The following HMCN1 variants were observed in gnomAD, a reference collection of about 807,000 sequenced individuals.
HMCN1 encodes hemicentin 1.
Under a neutral mutation model 625.9 loss-of-function variants are expected in HMCN1, and 321 were observed. The ratio of observed to expected loss-of-function variants is 0.51; its 90% confidence interval spans 0.47 to 0.56. HMCN1 has a LOEUF of 0.56. Among genes scored for constraint, HMCN1 ranks in the 20% least tolerant of loss-of-function variants. The probability of loss-of-function intolerance (pLI) is 0.00; values close to 1 mark genes in which losing one functional copy is unlikely to be tolerated. For synonymous variants in HMCN1, 2,425 were observed against 2,417.6 expected (o/e 1.00, Z -0.09); for missense variants, 6,588 against 6,887.3 (o/e 0.96, Z 1.54).
At chr1:185,884,586 T>C (rs1323208251) in intron 4 of HMCN1, among the ~76,000 whole-genome samples, 4 of 152,010 alleles carry the variant, frequency 2.6e-5, no homozygotes, top group Admixed American at 2.6e-4. Context: ...CTAAAAAAAG[T>C]TACTTTCTAT....
chr1:185,853,414 G>T (rs1310997654), intron 2 of HMCN1, among the ~76,000 whole-genome samples: 1 of 152,222 alleles, frequency 6.6e-6, no homozygotes, highest in Non-Finnish European at 1.5e-5. Flanking sequence ...GATATTGAAA[G>T]GTACTATATC....
chr1:186,088,114 T>TTTTG lies in HMCN1; in HGVS notation c.9446-11_9446-8dup, dbSNP rs368227896. 2.6e-4 allele frequency: 423 copies of TTTTG among 1,601,492 alleles called. 4 individuals are homozygous for TTTTG. The highest frequency in any genetic ancestry group is 2.2e-3 in the South Asian group (196 of 90,088). ...GAGGACAAATGATTTTCTTCTGTTTTTTTGTTTGTTTGTTTGTTTGTTTTT... is the reference window on the plus strand; with the variant it reads ...GAGGACAAATGATTTTCTTCTGTTTTTTTGTTTGTTTGTTTGTTTGTTTGTTTTT... On this transcript the variant is annotated intron_variant, in intron 61 of 106. Coordinates refer to ENST00000271588, the MANE Select transcript of HMCN1 (RefSeq NM_031935.3).
rs1667105098 is a variant in HMCN1 at position 185,923,537 on chromosome 1, AT to A, written c.1170del (p.Asn390LysfsTer16). 6.2e-7 allele frequency: 1 copy of A among 1,612,386 alleles called. No individual in the cohort carries two copies. ...CATCGAAAACCTTATGGCATATGGAATATTTCTGACTTTGTACCACCAAATG... is the reference window on the plus strand; with the variant it reads ...CATCGAAAACCTTATGGCATATGGAAATTTCTGACTTTGTACCACCAAATG... ...YPHRKPYGIW[N>X]ISDFVPPNEA... On this transcript the variant is annotated frameshift_variant, in exon 8 of 107. Transcript: ENST00000271588. LOFTEE classifies it high-confidence loss of function.
chr1:186,009,618 A>T (rs1297625603), intron 30 of HMCN1, among the ~76,000 whole-genome samples: 1 of 152,228 alleles, frequency 6.6e-6, no homozygotes, highest in Non-Finnish European at 1.5e-5. Context: ...AGAATGAAGC[A>T]GGTGGGTTGA....
Position 185,933,623 on chromosome 1 carries a change from A to C in HMCN1, c.1627A>C (p.Ile543Leu). Residue 543 changes from isoleucine to leucine, a missense_variant, in exon 11 of 107, where the codon ATC becomes CTC. Ile to Leu is a conservative substitution (Grantham distance 5). Coordinates refer to ENST00000271588, the MANE Select transcript of HMCN1 (RefSeq NM_031935.3). The stretch of plus-strand genomic sequence containing the variant: ...AGAGAGAGCAGTTTTAACATGTCTC[A>C]TCATCAGTGCGGTGGATTACAATCT... Reference protein sequence around the residue: ...PGERAVLTCLIISAVDYNLTW... With the variant: ...PGERAVLTCLLISAVDYNLTW... 6.2e-7 allele frequency: 1 copy of C among 1,614,032 alleles called. No homozygotes were observed.
intron 102 of HMCN1, among the ~76,000 whole-genome samples, chr1:186,172,428 T>C (rs1007031726): frequency 1.2e-4 from 18 of 152,316 alleles, no homozygotes; most frequent in African/African-American, 3.8e-4. Flanking sequence ...TGATTTCTAA[T>C]AGAAATTTAG....
chr1:185,934,947 ATG>A (rs1218967738), intron 11 of HMCN1, among the ~76,000 whole-genome samples: 1 of 152,146 alleles, frequency 6.6e-6, no homozygotes, highest in East Asian at 1.9e-4. Flanking sequence ...TGCAATCAGA[ATG>A]TGTGTCTTTT....
chr1:186,181,517 C>A (rs866867212), intron 104 of HMCN1, among the ~76,000 whole-genome samples: 33 of 152,188 alleles, frequency 2.2e-4, no homozygotes, highest in Middle Eastern at 3.4e-3. Context: ...TCAAGTGTCC[C>A]TTTTAACAGA....
intron 100 of HMCN1, among the ~76,000 whole-genome samples, chr1:186,170,497 C>T (rs939084519): frequency 3.3e-5 from 5 of 152,086 alleles, no homozygotes; most frequent in African/African-American, 1.2e-4. Flanking sequence ...CACATGCACA[C>T]GTATGTTTAT....
intron 67 of HMCN1, 128 bp downstream of exon 67, chr1:186,094,501 A>G (rs992039969): frequency 6.8e-6 from 5 of 732,514 alleles, no homozygotes; most frequent in Admixed American, 2.0e-5. Flanking sequence ...GTGAAATAGG[A>G]TCTTACTGAC....
At chr1:186,081,520 C>T in intron 56 of HMCN1, 126 bp downstream of exon 56, 1 of 683,094 alleles carries the variant, frequency 1.5e-6, no homozygotes, top group Non-Finnish European at 2.4e-6. Flanking sequence ...AATAACCAAC[C>T]ATCAAAGGTA....
intron 105 of HMCN1, 30 bp downstream of exon 105, chr1:186,182,317 C>A (rs1408316099): frequency 6.2e-7 from 1 of 1,612,166 alleles, no homozygotes; most frequent in East Asian, 2.2e-5. Flanking sequence ...TTTATTGTTG[C>A]AAACTTGACT....
chr1:185,984,422 A>C, intron 19 of HMCN1, 109 bp downstream of exon 19: 1 of 1,070,210 alleles, frequency 9.3e-7, no homozygotes, highest in Non-Finnish European at 1.4e-6. Flanking sequence ...TATCTCTCTT[A>C]ATTGTTATTT....
chr1:186,165,197 GT>G, intron 98 of HMCN1, 24 bp downstream of exon 98: 1 of 1,599,338 alleles, frequency 6.3e-7, no homozygotes, highest in Non-Finnish European at 8.6e-7. Context: ...TAAATAAAGG[GT>G]TTTCTTTTAA....
intron 1 of HMCN1, among the ~76,000 whole-genome samples, chr1:185,780,680 G>T (rs536119056): frequency 1.3e-5 from 2 of 152,220 alleles, no homozygotes; most frequent in African/African-American, 2.4e-5. Flanking sequence ...AACCAGCCTT[G>T]CATCACAGGG....
chr1:185,889,961 G>A (rs1321548212), intron 4 of HMCN1, among the ~76,000 whole-genome samples: 1 of 149,460 alleles, frequency 6.7e-6, no homozygotes, highest in Non-Finnish European at 1.5e-5. Context: ...TGGTTGGTAA[G>A]CTATTGATTA....
intron 89 of HMCN1, among the ~76,000 whole-genome samples, chr1:186,140,838 C>A (rs1318723598): frequency 1.3e-5 from 2 of 152,134 alleles, no homozygotes; most frequent in African/African-American, 4.8e-5. Flanking sequence ...AATGGTTTAT[C>A]ACAGTGGAAC....
At chr1:185,908,583 CA>C (rs1425881276) in intron 4 of HMCN1, among the ~76,000 whole-genome samples, 19 of 151,906 alleles carry the variant, frequency 1.3e-4, no homozygotes, top group African/African-American at 4.6e-4. Context: ...TCTATGGATT[CA>C]AAGTTTTTCT....
At chr1:185,941,968 G>A (rs1668101888) in intron 11 of HMCN1, among the ~76,000 whole-genome samples, 1 of 152,118 alleles carries the variant, frequency 6.6e-6, no homozygotes, top group South Asian at 2.1e-4. Flanking sequence ...AAGATGGGCA[G>A]ATTATTTGAA....
Sources: gnomAD v4.1 joint callset for allele counts (sites outside exome capture counted in the v4.1 genomes callset) on GRCh38, gnomAD v4.1.1 for gene constraint, MANE v1.5 for transcripts, NCBI Gene and HGNC (gene_info 2026-07-23, HGNC 2026-07-21) for gene names.